The following SLC26A7 variants were observed in gnomAD, a reference collection of about 807,000 sequenced individuals.
SLC26A7 encodes the protein solute carrier family 26 member 7.
Under a neutral mutation model 82.5 loss-of-function variants are expected in SLC26A7, and 59 were observed. That is an observed-to-expected ratio of 0.72 (90% CI 0.58 to 0.89). SLC26A7 has a LOEUF of 0.89. SLC26A7 is among the 40% of genes least tolerant of loss of function. The pLI is 0.00. For missense variants in SLC26A7, 820 were observed against 793.0 expected, an observed-to-expected ratio of 1.03 and a Z score of -0.41; for synonymous variants, 271 against 274.3, an observed-to-expected ratio of 0.99 and a Z score of 0.12.
intron 4 of SLC26A7, among the ~76,000 whole-genome samples, chr8:91,297,358 A>G (rs930958418): frequency 2.5e-4 from 38 of 151,922 alleles, no homozygotes; most frequent in African/African-American, 8.7e-4. Flanking sequence ...GTATATTTGG[A>G]TTATGACTTA....
intron 10 of SLC26A7, 122 bp downstream of exon 10, chr8:91,352,009 TA>T: frequency 1.2e-6 from 1 of 826,496 alleles, no homozygotes; most frequent in South Asian, 1.6e-5. Context: ...GTTACAGAAG[TA>T]AAGTTTGAAT....
At chr8:91,288,247 C>G (rs1204922514) in intron 2 of SLC26A7, among the ~76,000 whole-genome samples, 1 of 152,188 alleles carries the variant, frequency 6.6e-6, no homozygotes, top group African/African-American at 2.4e-5. Context: ...ATGCCTCCTC[C>G]ATTCTCAAGT....
At chr8:91,225,376 G>C (rs184502968) in intron 2 of SLC26A7, among the ~76,000 whole-genome samples, 133 of 152,244 alleles carry the variant, frequency 8.7e-4, no homozygotes, top group Non-Finnish European at 1.3e-3. Flanking sequence ...CAGCTGAGTA[G>C]CATGCTCACT....
chr8:91,269,772 G>A (rs1200327267), intron 2 of SLC26A7, among the ~76,000 whole-genome samples: 2 of 151,636 alleles, frequency 1.3e-5, no homozygotes, highest in South Asian at 2.1e-4. Context: ...TTCACTTAAT[G>A]GTGTCCCATT....
At chr8:91,328,437 A>G (rs1199827750) in intron 5 of SLC26A7, among the ~76,000 whole-genome samples, 4 of 152,160 alleles carry the variant, frequency 2.6e-5, no homozygotes, top group Admixed American at 2.6e-4. Flanking sequence ...TATAACCTCA[A>G]TAAACAAGTT....
Position 91,351,893 on chromosome 8 carries a change from G to C in SLC26A7, c.1218+6G>C. 6.3e-7 allele frequency: 1 copy of C among 1,596,060 alleles called. No individual in the cohort carries two copies. Among genetic ancestry groups the C allele is most frequent in the South Asian group, 1.1e-5 (1 of 90,126 alleles). On this transcript the variant is annotated splice_donor_region_variant and intron_variant, in intron 10 of 18. Transcript: ENST00000276609. ...TGCTTTACTGGCTGCCCATGGTACGGTAGTGCTTTTTCACTATCTACTTTT... is the reference window on the plus strand; with the variant it reads ...TGCTTTACTGGCTGCCCATGGTACGCTAGTGCTTTTTCACTATCTACTTTT...
In SLC26A7 at chr8:91,353,778, T is replaced by C. The variant is rs144866292; in HGVS notation, c.1314+782T>C. The stretch of plus-strand genomic sequence containing the variant: ...CTGGTGCCTACTTTTGTAATATTCC[T>C]CCTGGGGCTCAATATTACTGAGCTC... On this transcript the variant is annotated intron_variant, in intron 11 of 18. Transcript: ENST00000276609. 2.8e-3 allele frequency among the ~76,000 whole-genome samples: 433 copies of C among 152,170 alleles called. 1 individual carries two copies. Among genetic ancestry groups the C allele is most frequent in the Middle Eastern group, 0.02 (6 of 294 alleles).
intron 4 of SLC26A7, among the ~76,000 whole-genome samples, chr8:91,310,102 A>T (rs1812437828): frequency 6.6e-6 from 1 of 151,976 alleles, no homozygotes; most frequent in Admixed American, 6.6e-5. Flanking sequence ...GCTGGGACCA[A>T]TTATTATTTT....
intron 2 of SLC26A7, among the ~76,000 whole-genome samples, chr8:91,273,652 A>T (rs1811331288): frequency 1.3e-5 from 2 of 152,224 alleles, no homozygotes; most frequent in Non-Finnish European, 2.9e-5. Flanking sequence ...TTAGTGACAA[A>T]ATCAGATACA....
chr8:91,354,003 T>G (rs558400853), intron 11 of SLC26A7, among the ~76,000 whole-genome samples: 4 of 152,200 alleles, frequency 2.6e-5, no homozygotes, highest in Admixed American at 2.6e-4. Flanking sequence ...TAATTTGGAC[T>G]GATTAACATG....
intron 2 of SLC26A7, among the ~76,000 whole-genome samples, chr8:91,233,898 C>T (rs373945537): frequency 1.4e-4 from 21 of 152,302 alleles, no homozygotes; most frequent in East Asian, 9.6e-4. Context: ...CCCAGAACAA[C>T]CTTCCATTCT....
At chr8:91,241,674 A>T (rs1008660248) in intron 2 of SLC26A7, among the ~76,000 whole-genome samples, 1 of 152,144 alleles carries the variant, frequency 6.6e-6, no homozygotes, top group Non-Finnish European at 1.5e-5. Context: ...AACTTTGCAC[A>T]CTTACTCATA....
Position 91,344,370 on chromosome 8 carries a change from TA to T in SLC26A7, c.1140+910del, listed in dbSNP as rs552479445. On this transcript the variant is annotated intron_variant, in intron 9 of 18. Coordinates refer to ENST00000276609, the MANE Select transcript of SLC26A7 (RefSeq NM_052832.4). Reference sequence around the variant, plus strand: ...AAGAAAAATCATGTGTATCTTAGTATAAAAAATTAACATTAACAGCAAACCA... The same window carrying T: ...AAGAAAAATCATGTGTATCTTAGTATAAAAATTAACATTAACAGCAAACCA... 798 of 183,522 alleles carry T rather than the reference TA, an allele frequency of 4.3e-3. 3 individuals are homozygous for T. The highest frequency in any genetic ancestry group is 0.013 in the Middle Eastern group (5 of 386). The allele number at this position is 183,522 out of a possible 1,614,324, so 11.4% of individuals were successfully genotyped here.
intron 2 of SLC26A7, 78 bp downstream of exon 2, chr8:91,249,922 A>G: frequency 9.0e-7 from 1 of 1,105,448 alleles, no homozygotes; most frequent in African/African-American, 1.6e-5. Context: ...ACTATGACCT[A>G]GAATAAACAA....
intron 15 of SLC26A7, among the ~76,000 whole-genome samples, chr8:91,377,692 C>G (rs1358466919): frequency 6.6e-6 from 1 of 152,116 alleles, no homozygotes; most frequent in South Asian, 2.1e-4. Flanking sequence ...AGAGGGACAC[C>G]CTAAGAGTTT....
At chr8:91,337,904 C>CGT (rs1813289197) in intron 6 of SLC26A7, among the ~76,000 whole-genome samples, 1 of 152,044 alleles carries the variant, frequency 6.6e-6, no homozygotes, top group African/African-American at 2.4e-5. Context: ...GGGTTGACCA[C>CGT]GGTAGGATAT....
chr8:91,255,263 A>G (rs57042938), intron 2 of SLC26A7, among the ~76,000 whole-genome samples: 3,710 of 152,202 alleles, frequency 0.024, 158 homozygotes, highest in African/African-American at 0.081. Context: ...GCTGCAAACA[A>G]AAGATGGATG....
rs897653103 is a variant in SLC26A7, at chr8:91,389,205, A to G, written c.1676-133A>G. 7.6e-6 allele frequency: 5 copies of G among 658,526 alleles called. No homozygotes were observed. The East Asian group carries it at 1.0e-4, about 14-fold the overall frequency. 40.8% of individuals were successfully genotyped at this position (658,526 alleles called of 1,614,324 possible). On this transcript the variant is annotated intron_variant, in intron 15 of 18. Transcript: ENST00000276609. ...GGAATAATTAATAATTTACTGAAAA[A>G]TGTAAAAATTAAAAGTGTTTAGAAT...
At chr8:91,317,245 G>C (rs1812663074) in intron 4 of SLC26A7, among the ~76,000 whole-genome samples, 1 of 152,034 alleles carries the variant, frequency 6.6e-6, no homozygotes, top group Non-Finnish European at 1.5e-5. Flanking sequence ...TCAATGCACA[G>C]CTTCTACATA....
Sources: allele counts gnomAD v4.1 joint callset (sites outside exome capture counted in the v4.1 genomes callset), GRCh38; gene constraint gnomAD v4.1.1; transcripts MANE v1.5; gene names NCBI Gene and HGNC (gene_info 2026-07-23, HGNC 2026-07-21).